The following DNM3 variants were observed in gnomAD, a reference collection of about 807,000 sequenced individuals.
DNM3 encodes the protein dynamin-3.
A neutral mutation model predicts 101.6 loss-of-function variants in DNM3; 47 were observed. The ratio of observed to expected loss-of-function variants is 0.46; its 90% confidence interval spans 0.37 to 0.59. DNM3 has a LOEUF of 0.59. Ranked by LOEUF, DNM3 falls within the 20% of genes least tolerant of loss-of-function variation. The pLI is 0.00. For synonymous variants in DNM3, 385 were observed against 387.9 expected, an observed-to-expected ratio of 0.99 and a Z score of 0.09; for missense variants, 849 against 1,085.7, an observed-to-expected ratio of 0.78 and a Z score of 3.06.
Position 171,841,733 on chromosome 1 carries a change from G to A in DNM3, c.77G>A (p.Ser26Asn). 1 of 1,610,870 alleles carries A rather than the reference G, an allele frequency of 6.2e-7. No homozygotes were observed. Among genetic ancestry groups the A allele is most frequent in the South Asian group, 1.1e-5 (1 of 90,542 alleles). The change falls in exon 1 of 21, where the codon AGC becomes AAC. Residue 26 changes from serine (S) to asparagine (N), a missense_variant. Around this residue, in one of 5 missense-constraint regions of DNM3, gnomAD observed 388 missense variants for 483.0 expected, o/e 0.80. Transcript: ENST00000627582. Reference sequence around the variant, plus strand: ...GACGCGTTTTCGGCGCTGGGACAGAGCTGCCTGCTGGAGCTGCCGCAGATC... The same window carrying A: ...GACGCGTTTTCGGCGCTGGGACAGAACTGCCTGCTGGAGCTGCCGCAGATC... ...LQDAFSALGQ[S>N]CLLELPQIAV...
At chr1:171,965,484 G>T (rs2043514159) in intron 2 of DNM3, among the ~76,000 whole-genome samples, 1 of 151,574 alleles carries the variant, frequency 6.6e-6, no homozygotes, top group African/African-American at 2.4e-5. Context: ...GCCTGAAGAG[G>T]TTGAGGCTAT....
Position 172,409,919 on chromosome 1 carries a change from AGCACAAACCATGTC to A in DNM3, c.*2079_*2092del, listed in dbSNP as rs1400032622. The A allele has an allele frequency of 1.0e-6, 1 of 985,652 alleles. No individual in the cohort carries two copies. The highest frequency in any genetic ancestry group is 1.1e-4 in the East Asian group (1 of 8,822). 61.1% of individuals were successfully genotyped at this position (985,652 alleles called of 1,614,324 possible). A position where few individuals can be genotyped will look rare whatever the true frequency, so the allele number is the denominator to read the frequency against. ...ATAACCACTGGTGTGTTCTTAGATC[AGCACAAACCATGTC>A]AAAAAAAATTGGAGATTTTTTTCCA... On this transcript the variant is annotated 3_prime_UTR_variant, in exon 21 of 21. Coordinates refer to ENST00000627582, the MANE Select transcript of DNM3 (RefSeq NM_015569.5).
At position 171,965,658 on chromosome 1, in the gene DNM3, G is replaced by T. The variant is rs75246307; in HGVS notation, c.236-21998G>T. ...GTCCAGAAGGGTCTGAAGCATGAGC[G>T]CTTCTGTCCCCATGTAGTTGAGGCG... On this transcript the variant is annotated intron_variant, in intron 2 of 20. Transcript: ENST00000627582. Among the ~76,000 whole-genome samples, 983 of 152,242 alleles carry T rather than the reference G, an allele frequency of 6.5e-3. 15 individuals are homozygous for T. Among genetic ancestry groups the T allele is most frequent in the African/African-American group, 0.021 (892 of 41,564 alleles).
chr1:172,097,354 C>T (rs1483376916), intron 13 of DNM3, among the ~76,000 whole-genome samples: 1 of 151,502 alleles, frequency 6.6e-6, no homozygotes, highest in Non-Finnish European at 1.5e-5. Context: ...GAGCCAAGAT[C>T]ACACCACTGC....
Position 172,226,300 on chromosome 1 carries a change from G to GTA in DNM3, c.1660-27270_1660-27269dup, listed in dbSNP as rs959846951. Among the ~76,000 whole-genome samples the GTA allele has an allele frequency of 3.4e-4, 52 of 152,192 alleles. 1 individual carries two copies. The highest frequency in any genetic ancestry group is 1.2e-3 in the African/African-American group (48 of 41,518). On this transcript the variant is annotated intron_variant, in intron 14 of 20. Transcript: ENST00000627582. ...TATGCCAGTCTCCAAAAGAAACCTG[G>GTA]TATAGACTTCAGACCTTTAGTTCAA...
intron 14 of DNM3, among the ~76,000 whole-genome samples, chr1:172,201,544 G>T (rs144743958): frequency 6.6e-6 from 1 of 152,188 alleles, no homozygotes; most frequent in Admixed American, 6.6e-5. Flanking sequence ...CCAAGCCAGG[G>T]GTTCCCTGTG....
chr1:172,099,531 G>T (rs75844564), intron 13 of DNM3, among the ~76,000 whole-genome samples: 1 of 151,674 alleles, frequency 6.6e-6, no homozygotes, highest in South Asian at 2.1e-4. Context: ...ACCTAGCTGC[G>T]TGGGAAATAG....
chr1:172,407,990 A>G lies in DNM3; in HGVS notation c.*149A>G, dbSNP rs2071014161. 1.3e-6 allele frequency: 2 copies of G among 1,508,806 alleles called. No individual in the cohort carries two copies. Among genetic ancestry groups the G allele is most frequent in the South Asian group, 1.3e-5 (1 of 78,392 alleles). The allele number at this position is 1,508,806 out of a possible 1,614,324, so 93.5% of individuals were successfully genotyped here. ...ACTAATGCATTCATCGCTCATCTTCATTGCTCATGGTATGTCAAACCTTTG... is the reference window on the plus strand; with the variant it reads ...ACTAATGCATTCATCGCTCATCTTCGTTGCTCATGGTATGTCAAACCTTTG... On this transcript the variant is annotated 3_prime_UTR_variant, in exon 21 of 21. Coordinates refer to ENST00000627582, the MANE Select transcript of DNM3 (RefSeq NM_015569.5).
intron 17 of DNM3, among the ~76,000 whole-genome samples, chr1:172,378,611 T>A (rs2068735234): frequency 1.3e-5 from 2 of 152,040 alleles, no homozygotes; most frequent in Admixed American, 1.3e-4. Context: ...AATACCAAGG[T>A]TATTTCTAAT....
intron 14 of DNM3, among the ~76,000 whole-genome samples, chr1:172,249,065 C>T (rs1053252072): frequency 6.6e-6 from 1 of 152,122 alleles, no homozygotes; most frequent in African/African-American, 2.4e-5. Flanking sequence ...TAAATTGCCA[C>T]GTGAATAAAG....
rs146676887 is a variant in DNM3 at position 172,068,454 on chromosome 1, T to C, written c.1336-365T>C. Among the ~76,000 whole-genome samples the C allele has an allele frequency of 3.8e-3, 580 of 152,354 alleles. 7 individuals carry two copies. Among genetic ancestry groups the C allele is most frequent in the African/African-American group, 0.014 (562 of 41,588 alleles). On this transcript the variant is annotated intron_variant, in intron 10 of 20. Transcript: ENST00000627582. ...TTAGCGCCTGACACGTGGTAGACACTATATAAAATGTTAGTCATTATCCTT... is the reference window on the plus strand; with the variant it reads ...TTAGCGCCTGACACGTGGTAGACACCATATAAAATGTTAGTCATTATCCTT...
intron 17 of DNM3, among the ~76,000 whole-genome samples, chr1:172,339,497 G>C (rs1289345657): frequency 6.6e-6 from 1 of 152,138 alleles, no homozygotes; most frequent in African/African-American, 2.4e-5. Flanking sequence ...GTTTGAAATA[G>C]ATTTTGTCAT....
At position 171,914,173 on chromosome 1, in the gene DNM3, T is replaced by C. The variant is rs539295902; in HGVS notation, c.162-7575T>C. Among the ~76,000 whole-genome samples, 21 of 152,290 alleles carry C rather than the reference T, an allele frequency of 1.4e-4. No homozygotes were observed. In the South Asian group the frequency reaches 3.9e-3, roughly 29 times the overall value. Reference sequence around the variant, plus strand: ...GGTTTTTGTTTTTGTTTTGTTTTTTTTGAGATGGAGTTTTGCTCTTGTCGC... The same window carrying C: ...GGTTTTTGTTTTTGTTTTGTTTTTTCTGAGATGGAGTTTTGCTCTTGTCGC... On this transcript the variant is annotated intron_variant, in intron 1 of 20. Coordinates refer to ENST00000627582, the MANE Select transcript of DNM3 (RefSeq NM_015569.5).
At chr1:171,987,864 A>T in intron 3 of DNM3, 59 bp downstream of exon 3, 4 of 1,440,572 alleles carry the variant, frequency 2.8e-6, no homozygotes, top group Non-Finnish European at 2.8e-6. Flanking sequence ...TACATTAATT[A>T]ACATACATCA....
intron 1 of DNM3, among the ~76,000 whole-genome samples, chr1:171,847,896 CTGTGTGTGTG>C (rs752990905): frequency 1.7e-4 from 24 of 141,238 alleles, no homozygotes; most frequent in East Asian, 1.1e-3. Context: ...CTCTCTCTCT[CTGTGTGTGTG>C]TGTGTGTGTG....
Position 171,989,119 on chromosome 1 carries a change from T to C in DNM3, c.560T>C (p.Leu187Pro). 1 of 1,613,004 alleles carries C rather than the reference T, an allele frequency of 6.2e-7. No homozygotes were observed. Among genetic ancestry groups the C allele is most frequent in the Non-Finnish European group, 8.5e-7 (1 of 1,179,326 alleles). ...ANTDLANSDA[L>P]KLAKEVDPQG... ...ACTGATCTTGCAAACTCAGATGCGC[T>C]GAAGCTAGCTAAAGAAGTTGATCCT... is the stretch of plus-strand genomic sequence containing the variant. Residue 187 changes from leucine (L) to proline (P), a missense_variant, in exon 4 of 21, where the codon CTG (leucine) becomes CCG (proline). Leu to Pro is a moderately conservative substitution (Grantham distance 98). Around this residue, in one of 5 missense-constraint regions of DNM3, gnomAD observed 388 missense variants for 483.0 expected, o/e 0.80. Coordinates refer to ENST00000627582, the MANE Select transcript of DNM3 (RefSeq NM_015569.5).
intron 2 of DNM3, among the ~76,000 whole-genome samples, chr1:171,946,820 G>C (rs150535584): frequency 1.2e-4 from 19 of 152,296 alleles, no homozygotes; most frequent in African/African-American, 4.3e-4. Context: ...GGAGGCAAGA[G>C]AGAAAGAGAG....
chr1:171,857,791 C>T (rs953514601), intron 1 of DNM3, among the ~76,000 whole-genome samples: 2 of 152,084 alleles, frequency 1.3e-5, no homozygotes, highest in African/African-American at 4.8e-5. Flanking sequence ...GAAGCCCAAA[C>T]CCCAAATATA....
chr1:172,158,831 T>C (rs1482461420), intron 14 of DNM3, among the ~76,000 whole-genome samples: 1 of 152,114 alleles, frequency 6.6e-6, no homozygotes, highest in East Asian at 1.9e-4. Flanking sequence ...AAAGATTCCC[T>C]AATACTCTAC....
Sources: gnomAD v4.1 joint callset for allele counts (sites outside exome capture counted in the v4.1 genomes callset) on GRCh38, gnomAD v4.1.1 for gene constraint, gnomAD v4.1.1 regional missense constraint, MANE v1.5 for transcripts, NCBI Gene and HGNC (gene_info 2026-07-23, HGNC 2026-07-21) for gene names.